Variants in RYR2 observed in about 807,000 individuals in gnomAD.
RYR2 encodes the protein cardiac muscle ryanodine receptor-calcium release channel.
Under a neutral mutation model 601.1 loss-of-function variants are expected in RYR2, and 227 were observed. The ratio of observed to expected loss-of-function variants is 0.38; its 90% CI spans 0.34 to 0.42. RYR2 has a LOEUF of 0.42. RYR2 is among the 10% of genes least tolerant of loss of function. The probability of loss-of-function intolerance (pLI) is 1.00; values close to 1 mark genes in which losing one functional copy is unlikely to be tolerated. For missense variants in RYR2, 4,646 were observed against 6,156.5 expected (o/e 0.75, Z 8.21); for synonymous variants, 2,223 against 2,175.1 (o/e 1.02, Z -0.61).
chr1:237,597,131 G>A (rs999663957), intron 34 of RYR2, among the ~76,000 whole-genome samples: 1 of 152,120 alleles, frequency 6.6e-6, no homozygotes, highest in African/African-American at 2.4e-5. Flanking sequence ...ATGGTGCTAT[G>A]CCAAATCTTT....
intron 1 of RYR2, among the ~76,000 whole-genome samples, chr1:237,149,976 A>G (rs1007114672): frequency 3.3e-5 from 5 of 152,230 alleles, no homozygotes; most frequent in Admixed American, 3.3e-4. Flanking sequence ...TGAAGGCTCA[A>G]CTTAATACAG....
chr1:237,106,625 C>T lies in RYR2; in HGVS notation c.48+64056C>T, dbSNP rs1348521693. Among the ~76,000 whole-genome samples, 3 of 152,096 alleles carry T rather than the reference C, an allele frequency of 2.0e-5. No homozygotes were observed. Among genetic ancestry groups the T allele is most frequent in the Non-Finnish European group, 2.9e-5 (2 of 68,012 alleles). On this transcript the variant is annotated intron_variant, in intron 1 of 104. Coordinates refer to ENST00000366574, the MANE Select transcript of RYR2 (RefSeq NM_001035.3). This position sits in a 1 kb window ranked among gnomAD's most constrained non-coding sequence, Gnocchi z 4.4. ...TTCTGGAGAGAGGGCTGAAACTGTC[C>T]TTGAAAAAATGGATTTCTCAGTGTG... is the stretch of plus-strand genomic sequence containing the variant.
At chr1:237,558,798 TTTC>T (rs1397151748) in intron 27 of RYR2, among the ~76,000 whole-genome samples, 1 of 152,122 alleles carries the variant, frequency 6.6e-6, no homozygotes, top group East Asian at 1.9e-4. Flanking sequence ...TCTTTCTTCA[TTTC>T]TTCTTCAGTT....
At chr1:237,134,226 C>T (rs995548695) in intron 1 of RYR2, among the ~76,000 whole-genome samples, 2 of 152,212 alleles carry the variant, frequency 1.3e-5, no homozygotes, top group African/African-American at 4.8e-5. Context: ...GCACACATTA[C>T]TGAGAGAGTC....
chr1:237,390,121 G>C (rs1183932486), intron 10 of RYR2, among the ~76,000 whole-genome samples: 3 of 146,886 alleles, frequency 2.0e-5, no homozygotes, highest in African/African-American at 8.2e-5. Context: ...GGATTGGGTT[G>C]TGGATATGTT....
chr1:237,628,148 G>A, intron 41 of RYR2, 68 bp downstream of exon 41: 4 of 1,498,222 alleles, frequency 2.7e-6, no homozygotes, highest in Non-Finnish European at 3.6e-6. Flanking sequence ...CTATAGAGCA[G>A]TACATTAACT....
intron 3 of RYR2, among the ~76,000 whole-genome samples, chr1:237,336,549 T>C (rs1244217019): frequency 6.6e-6 from 1 of 152,148 alleles, no homozygotes; most frequent in Non-Finnish European, 1.5e-5. Flanking sequence ...AGCTGTAGAA[T>C]GTGGAGTAGT....
intron 25 of RYR2, 121 bp downstream of exon 25, chr1:237,530,631 C>G: frequency 1.3e-6 from 1 of 795,946 alleles, no homozygotes; most frequent in South Asian, 1.5e-5. Context: ...AGATTCAAGG[C>G]TGGGTGCGGT....
At chr1:237,362,442 GGCT>G (rs1699856995) in intron 4 of RYR2, among the ~76,000 whole-genome samples, 1 of 152,060 alleles carries the variant, frequency 6.6e-6, no homozygotes, top group Admixed American at 6.6e-5. Context: ...CACCCAAAGA[GGCT>G]GCTTTCTTCA....
chr1:237,244,701 CT>C (rs1468370421), intron 1 of RYR2, among the ~76,000 whole-genome samples: 3 of 152,084 alleles, frequency 2.0e-5, no homozygotes, highest in Non-Finnish European at 4.4e-5. Flanking sequence ...CTTTCTCTTT[CT>C]TTCTCTTTCT....
chr1:237,380,663 T>G (rs944334178), intron 8 of RYR2, among the ~76,000 whole-genome samples: 2 of 151,734 alleles, frequency 1.3e-5, no homozygotes, highest in South Asian at 4.2e-4. Flanking sequence ...TTAAAGAAGT[T>G]AGGCATGGTA....
Position 237,511,774 on chromosome 1 carries a change from G to A in RYR2, c.2805G>A (p.Met935Ile), listed in dbSNP as rs727505044. The A allele has an allele frequency of 6.8e-7, 1 of 1,479,256 alleles. No individual in the cohort carries two copies. The highest frequency in any genetic ancestry group is 9.1e-7 in the Non-Finnish European group (1 of 1,098,206). The allele number at this position is 1,479,256 out of a possible 1,614,324, so 91.6% of individuals were successfully genotyped here. ...AGGAGCGCAATTACAACTTACAAATGTCGCTTGAGACCCTGAAGTGAGTTT... is the reference window on the plus strand; with the variant it reads ...AGGAGCGCAATTACAACTTACAAATATCGCTTGAGACCCTGAAGTGAGTTT... ...PEQERNYNLQ[M>I]SLETLKTLLA... is the part of the protein sequence containing the mutation. Residue 935 changes from methionine (M) to isoleucine (I), a missense_variant, in exon 24 of 105, where the codon ATG (methionine) becomes ATA (isoleucine). Coordinates refer to ENST00000366574, the MANE Select transcript of RYR2 (RefSeq NM_001035.3).
chr1:237,687,527 A>G, intron 63 of RYR2, 23 bp downstream of exon 63: 1 of 1,585,576 alleles, frequency 6.3e-7, no homozygotes, highest in South Asian at 1.1e-5. Context: ...TTGAAAAAAT[A>G]CAAGCATGGC....
chr1:237,614,670 C>T lies in RYR2; in HGVS notation c.5542C>T (p.Pro1848Ser), dbSNP rs760731968. 3.1e-6 allele frequency: 5 copies of T among 1,613,886 alleles called. No individual in the cohort carries two copies. Among genetic ancestry groups the T allele is most frequent in the Non-Finnish European group, 4.2e-6 (5 of 1,179,906 alleles). The change falls in exon 37 of 105, where the codon CCC (proline) becomes TCC (serine). Residue 1848 changes from proline (P) to serine (S), a missense_variant. By Grantham distance (74) the Pro-to-Ser change is moderately conservative. Coordinates refer to ENST00000366574, the MANE Select transcript of RYR2 (RefSeq NM_001035.3). This position sits in a 1 kb window ranked among gnomAD's most constrained non-coding sequence, Gnocchi z 4.3. ...DLKHILQLIE[P>S]SVFKEAATPE... ...GAAGCACATCTTGCAGTTGATTGAG[C>T]CCAGTGTGTTTAAAGAAGCTGCCAC...
At chr1:237,791,593 A>C in intron 93 of RYR2, 78 bp downstream of exon 93, 2 of 764,172 alleles carry the variant, frequency 2.6e-6, no homozygotes, top group Non-Finnish European at 4.5e-6. Context: ...CGATGAACGT[A>C]TCTACTACTG....
chr1:237,471,104 A>C (rs1354774576), intron 17 of RYR2: 5 of 154,468 alleles, frequency 3.2e-5, no homozygotes, highest in Non-Finnish European at 7.3e-5. Flanking sequence ...AATCTTATGC[A>C]AACAGGCTTT....
At chr1:237,137,878 A>G (rs1350081012) in intron 1 of RYR2, among the ~76,000 whole-genome samples, 1 of 152,236 alleles carries the variant, frequency 6.6e-6, no homozygotes, top group South Asian at 2.1e-4. Context: ...TTTTTAAATC[A>G]TGACCTGAAA....
intron 14 of RYR2, among the ~76,000 whole-genome samples, chr1:237,452,889 A>G (rs1397633743): frequency 6.6e-6 from 1 of 152,016 alleles, no homozygotes; most frequent in Admixed American, 6.6e-5. Flanking sequence ...TTTGGACAAC[A>G]TTTCTTCTGA....
At chr1:237,669,193 G>T (rs964380217) in intron 58 of RYR2, among the ~76,000 whole-genome samples, 18 of 144,040 alleles carry the variant, frequency 1.2e-4, no homozygotes, top group African/African-American at 4.5e-4. Context: ...AGGGTTGGGG[G>T]TAAGGTCACA....
Sources: allele counts gnomAD v4.1 joint callset (sites outside exome capture counted in the v4.1 genomes callset), GRCh38; gene constraint gnomAD v4.1.1; non-coding constraint Gnocchi (gnomAD v3.1); transcripts MANE v1.5; gene names NCBI Gene and HGNC (gene_info 2026-07-23, HGNC 2026-07-21).